The following PHF14 variants were observed in gnomAD, a reference collection of about 807,000 sequenced individuals.
PHF14 encodes PHD finger protein 14.
PHF14 carries 55 observed loss-of-function variants against 117.9 expected under a neutral mutation model. The ratio of observed to expected loss-of-function variants is 0.47; its 90% CI spans 0.38 to 0.58. PHF14 has a LOEUF of 0.58. Ranked by LOEUF, PHF14 falls within the 20% of genes least tolerant of loss-of-function variation. The pLI is 0.00. For missense variants in PHF14, 978 were observed against 1,122.2 expected (o/e 0.87, Z 1.84); for synonymous variants, 409 against 368.6 (o/e 1.11, Z -1.26).
At chr7:11,042,958 G>C in intron 13 of PHF14, 144 bp downstream of exon 13, 1 of 593,002 alleles carries the variant, frequency 1.7e-6, no homozygotes. Context: ...ATAGCATTAT[G>C]TGACTAAATC....
At chr7:10,990,326 A>G (rs762066964) in intron 3 of PHF14, among the ~76,000 whole-genome samples, 9 of 152,188 alleles carry the variant, frequency 5.9e-5, no homozygotes, top group African/African-American at 2.2e-4. Flanking sequence ...AAACACATGT[A>G]TAGGATCAAT....
chr7:11,122,352 T>TATACACAC, intron 17 of PHF14, among the ~76,000 whole-genome samples: 46 of 65,868 alleles, frequency 7.0e-4, no homozygotes, highest in African/African-American at 3.1e-3. Context: ...TATATATATA[T>TATACACAC]ACACACACAC....
At position 11,169,500 on chromosome 7, in the gene PHF14, T is replaced by A; in HGVS notation, c.*10T>A. ...AAATCCAAAGAAATAAAAGATTTTC[T>A]GTAGTGTTTTTGAAAAGTTTGCAGC... On this transcript the variant is annotated 3_prime_UTR_variant, in exon 18 of 18. Coordinates refer to ENST00000634607, the MANE Select transcript of PHF14 (RefSeq NM_001007157.2). 7.3e-7 allele frequency: 1 copy of A among 1,376,230 alleles called. No individual in the cohort carries two copies. Among genetic ancestry groups the A allele is most frequent in the Non-Finnish European group, 9.8e-7 (1 of 1,015,520 alleles). The allele number at this position is 1,376,230 out of a possible 1,614,324, so 85.3% of individuals were successfully genotyped here.
chr7:11,114,128 A>G (rs1293634407), intron 17 of PHF14, among the ~76,000 whole-genome samples: 1 of 152,154 alleles, frequency 6.6e-6, no homozygotes, highest in Non-Finnish European at 1.5e-5. Flanking sequence ...AGATGGTAAA[A>G]TGTCTCCAAC....
chr7:11,054,524 C>A (rs760634810), intron 14 of PHF14, among the ~76,000 whole-genome samples: 2 of 151,942 alleles, frequency 1.3e-5, no homozygotes, highest in African/African-American at 2.4e-5. Flanking sequence ...CTTGATCTTA[C>A]CATTTATGCT....
intron 16 of PHF14, among the ~76,000 whole-genome samples, chr7:11,073,081 T>A (rs1785682753): frequency 1.3e-5 from 2 of 152,172 alleles, no homozygotes; most frequent in Non-Finnish European, 2.9e-5. Context: ...CTATATACTT[T>A]CACTCCTTGC....
At chr7:10,980,961 C>A (rs1166717459) in intron 2 of PHF14, among the ~76,000 whole-genome samples, 2 of 152,164 alleles carry the variant, frequency 1.3e-5, no homozygotes, top group South Asian at 4.2e-4. Flanking sequence ...TCAGAACAGT[C>A]CCAAGTAAGC....
At chr7:10,992,082 G>A (rs918681384) in intron 4 of PHF14, among the ~76,000 whole-genome samples, 1 of 151,610 alleles carries the variant, frequency 6.6e-6, no homozygotes, top group African/African-American at 2.4e-5. Context: ...TTGAGACAGA[G>A]TCTTGCTCTT....
chr7:11,082,716 T>A (rs1325731429), intron 16 of PHF14, among the ~76,000 whole-genome samples: 1 of 152,204 alleles, frequency 6.6e-6, no homozygotes, highest in Non-Finnish European at 1.5e-5. Flanking sequence ...ATTTCCTTCT[T>A]TATCACACAT....
At chr7:11,022,840 A>G (rs1271483649) in intron 5 of PHF14, 28 bp from the exon 6 acceptor site, 2 of 1,316,474 alleles carry the variant, frequency 1.5e-6, no homozygotes, top group Non-Finnish European at 2.1e-6. Context: ...AAAAGATTTG[A>G]TAGCAAAATC....
At chr7:11,048,117 T>C (rs1784738171) in intron 13 of PHF14, among the ~76,000 whole-genome samples, 2 of 152,210 alleles carry the variant, frequency 1.3e-5, no homozygotes, top group Admixed American at 1.3e-4. Flanking sequence ...ATGGGAATTA[T>C]AAATTTTAGG....
intron 6 of PHF14, among the ~76,000 whole-genome samples, chr7:11,026,052 C>T (rs186641798): frequency 1.8e-4 from 27 of 148,624 alleles, no homozygotes; most frequent in Admixed American, 1.8e-3. Context: ...GTGTAGGTTA[C>T]AGTGAGCCGA....
intron 16 of PHF14, among the ~76,000 whole-genome samples, chr7:11,068,020 C>T (rs150853108): frequency 6.6e-6 from 1 of 152,056 alleles, no homozygotes; most frequent in Non-Finnish European, 1.5e-5. Flanking sequence ...CAAACCATAG[C>T]ATACATACAG....
rs907579580 is a variant in PHF14 at position 11,011,090 on chromosome 7, G to T, written c.1046-2657G>T. Reference sequence around the variant, plus strand: ...TTTTTAGTTTTTTGCTTACTATTAGGCTATTTTAGTTATGATCTATATTTG... The same window carrying T: ...TTTTTAGTTTTTTGCTTACTATTAGTCTATTTTAGTTATGATCTATATTTG... On this transcript the variant is annotated intron_variant, in intron 4 of 17. Coordinates refer to ENST00000634607, the MANE Select transcript of PHF14 (RefSeq NM_001007157.2). Among the ~76,000 whole-genome samples, 5 of 152,086 alleles carry T rather than the reference G, an allele frequency of 3.3e-5. No homozygotes were observed. The East Asian group carries it at 9.6e-4, about 29-fold the overall frequency.
chr7:11,063,544 A>G, intron 16 of PHF14: 1 of 974,568 alleles, frequency 1.0e-6, no homozygotes, highest in Non-Finnish European at 1.2e-6. Flanking sequence ...AGAGCTGGTG[A>G]TCCTTTTATT....
At chr7:11,002,292 T>A (rs1286937158) in intron 4 of PHF14, among the ~76,000 whole-genome samples, 1 of 152,016 alleles carries the variant, frequency 6.6e-6, no homozygotes, top group Non-Finnish European at 1.5e-5. Context: ...AACTCTGCAA[T>A]GTGGACGATG....
At chr7:11,147,126 G>A (rs747796534) in intron 17 of PHF14, among the ~76,000 whole-genome samples, 8 of 152,166 alleles carry the variant, frequency 5.3e-5, no homozygotes, top group Non-Finnish European at 1.0e-4. Flanking sequence ...GGGATTACGG[G>A]CATAAGCCGC....
At chr7:11,107,902 A>G in intron 16 of PHF14, 1 of 199,236 alleles carries the variant, frequency 5.0e-6, no homozygotes, top group Non-Finnish European at 9.0e-6. Context: ...GTCAATAACT[A>G]CTTTAACTCC....
intron 16 of PHF14, chr7:11,062,355 A>C (rs1002400774): frequency 1.8e-5 from 4 of 228,298 alleles, no homozygotes; most frequent in African/African-American, 6.8e-5. Flanking sequence ...AGTGCTCTCT[A>C]TTTAGAGGCC....
Sources: gnomAD v4.1 joint callset for allele counts (sites outside exome capture counted in the v4.1 genomes callset) on GRCh38, gnomAD v4.1.1 for gene constraint, MANE v1.5 for transcripts, NCBI Gene and HGNC (gene_info 2026-07-23, HGNC 2026-07-21) for gene names.